ATG5: variants seen among roughly 807,000 people sequenced by gnomAD.
ATG5 encodes autophagy protein 5.
In ATG5, 14 loss-of-function variants were observed where a neutral mutation model predicts 36.5. The ratio of observed to expected loss-of-function variants is 0.38; its 90% CI spans 0.25 to 0.60. The LOEUF (loss-of-function observed/expected upper bound fraction) is 0.60, where lower values mean the gene tolerates loss of function less well. Ranked by LOEUF, ATG5 falls within the 20% of genes least tolerant of loss-of-function variation. ATG5 has a pLI of 0.60. For missense variants in ATG5, 195 were observed against 326.7 expected, an observed-to-expected ratio of 0.60 and a Z score of 3.11; for synonymous variants, 95 against 101.5, an observed-to-expected ratio of 0.94 and a Z score of 0.38.
At chr6:106,280,079 A>G (rs1779819507) in intron 4 of ATG5, among the ~76,000 whole-genome samples, 2 of 152,116 alleles carry the variant, frequency 1.3e-5, no homozygotes. Context: ...TCTGAAAAAT[A>G]GCTTTTCAAC....
At chr6:106,204,181 C>T (rs1368402477) in intron 6 of ATG5, among the ~76,000 whole-genome samples, 2 of 152,076 alleles carry the variant, frequency 1.3e-5, no homozygotes, top group African/African-American at 4.8e-5. Flanking sequence ...ATCTATGTAA[C>T]AAACCTGCAC....
At chr6:106,187,172 A>G (rs1775807745) in intron 7 of ATG5, among the ~76,000 whole-genome samples, 2 of 152,326 alleles carry the variant, frequency 1.3e-5, no homozygotes, top group South Asian at 4.1e-4. Flanking sequence ...AGTTGTTTTC[A>G]GTAAAGCATT....
At chr6:106,316,016 C>A in intron 2 of ATG5, 85 bp downstream of exon 2, 1 of 1,072,990 alleles carries the variant, frequency 9.3e-7, no homozygotes, top group Non-Finnish European at 1.4e-6. Context: ...TAAAACGTTA[C>A]ATAATGGCCT....
intron 7 of ATG5, among the ~76,000 whole-genome samples, chr6:106,194,217 A>C (rs1951485): frequency 6.6e-6 from 1 of 151,942 alleles, no homozygotes; most frequent in Non-Finnish European, 1.5e-5. Context: ...GAGGTTTGGG[A>C]ATTGGAGTTT....
At chr6:106,254,399 A>G (rs1778719802) in intron 5 of ATG5, among the ~76,000 whole-genome samples, 3 of 152,228 alleles carry the variant, frequency 2.0e-5, no homozygotes. Context: ...TCAGCCCTAG[A>G]AAGTTCTACG....
intron 3 of ATG5, among the ~76,000 whole-genome samples, chr6:106,307,432 ATT>A (rs1273830653): frequency 1.3e-5 from 2 of 151,352 alleles, no homozygotes; most frequent in African/African-American, 4.9e-5. Flanking sequence ...TTCATTAAAT[ATT>A]TTTGGAAGCA....
intron 6 of ATG5, among the ~76,000 whole-genome samples, chr6:106,214,866 C>G (rs2245214): frequency 0.42 from 63,455 of 151,862 alleles, 13,513 homozygotes; most frequent in Admixed American, 0.52. Context: ...TATCAGTAGA[C>G]TAGCCAAAAA....
chr6:106,272,883 G>A (rs930366219), intron 5 of ATG5, among the ~76,000 whole-genome samples: 5 of 152,124 alleles, frequency 3.3e-5, no homozygotes, highest in African/African-American at 1.2e-4. Context: ...AAATATTTGT[G>A]GCAATGGAAG....
intron 6 of ATG5, among the ~76,000 whole-genome samples, chr6:106,204,143 G>A (rs1056077463): frequency 1.3e-5 from 2 of 152,070 alleles, no homozygotes; most frequent in Non-Finnish European, 2.9e-5. Context: ...GGGCTGATGG[G>A]TGCAGCAAAC....
intron 6 of ATG5, among the ~76,000 whole-genome samples, chr6:106,218,918 T>G (rs1334847291): frequency 6.6e-6 from 1 of 152,106 alleles, no homozygotes; most frequent in East Asian, 1.9e-4. Flanking sequence ...AATGCTCTAC[T>G]ATGTAGTAAA....
intron 1 of ATG5, among the ~76,000 whole-genome samples, chr6:106,321,444 C>T (rs1248689329): frequency 6.6e-6 from 1 of 151,918 alleles, no homozygotes; most frequent in Non-Finnish European, 1.5e-5. Flanking sequence ...CTGCAAGCTC[C>T]GTCTCCCGGG....
At chr6:106,233,715 G>A (rs941784412) in intron 6 of ATG5, among the ~76,000 whole-genome samples, 2 of 152,148 alleles carry the variant, frequency 1.3e-5, no homozygotes, top group Non-Finnish European at 2.9e-5. Context: ...TGCTAAAGGA[G>A]ACTTGTGGCT....
chr6:106,194,483 A>T (rs1026923137), intron 7 of ATG5, among the ~76,000 whole-genome samples: 1 of 152,062 alleles, frequency 6.6e-6, no homozygotes, highest in African/African-American at 2.4e-5. Flanking sequence ...ACATAATCTA[A>T]TCATATACAG....
intron 7 of ATG5, among the ~76,000 whole-genome samples, chr6:106,197,155 T>TA: frequency 6.6e-6 from 1 of 152,210 alleles, no homozygotes; most frequent in Admixed American, 6.5e-5. Flanking sequence ...AAGGATGTTA[T>TA]AAAAAAGGAA....
chr6:106,289,171 A>T (rs1343702210), intron 4 of ATG5, among the ~76,000 whole-genome samples: 2 of 152,208 alleles, frequency 1.3e-5, no homozygotes, highest in African/African-American at 4.8e-5. Flanking sequence ...TGAATGTATA[A>T]ACTATTTTCT....
At chr6:106,207,388 G>C (rs976434671) in intron 6 of ATG5, among the ~76,000 whole-genome samples, 1 of 152,076 alleles carries the variant, frequency 6.6e-6, no homozygotes, top group South Asian at 2.1e-4. Context: ...GTAAAACTTA[G>C]AATTCTTATA....
At chr6:106,194,274 C>T (rs1220618080) in intron 7 of ATG5, among the ~76,000 whole-genome samples, 1 of 151,904 alleles carries the variant, frequency 6.6e-6, no homozygotes, top group African/African-American at 2.4e-5. Context: ...CCTATTCTTC[C>T]GGGGGCAGTG....
At chr6:106,267,637 C>T (rs1779277027) in intron 5 of ATG5, among the ~76,000 whole-genome samples, 1 of 152,162 alleles carries the variant, frequency 6.6e-6, no homozygotes, top group Non-Finnish European at 1.5e-5. Context: ...GGTACCAAAA[C>T]AGATATATAG....
chr6:106,191,150 C>T (rs1775951778), intron 7 of ATG5, among the ~76,000 whole-genome samples: 2 of 152,160 alleles, frequency 1.3e-5, no homozygotes, highest in Admixed American at 6.5e-5. Context: ...TATATATGAG[C>T]TGAGCTCCTC....
Sources: allele counts gnomAD v4.1 joint callset (sites outside exome capture counted in the v4.1 genomes callset), GRCh38; gene constraint gnomAD v4.1.1; transcripts MANE v1.5; gene names NCBI Gene and HGNC (gene_info 2026-07-23, HGNC 2026-07-21).